HIP1: variants seen among roughly 807,000 people sequenced by gnomAD.
HIP1 encodes the protein huntingtin-interacting protein 1.
In HIP1, 65 loss-of-function variants were observed where a neutral mutation model predicts 147.6. The ratio of observed to expected loss-of-function variants is 0.44; its 90% CI spans 0.36 to 0.54. HIP1 has a LOEUF of 0.54. Among genes scored for constraint, HIP1 ranks in the 20% least tolerant of loss-of-function variants. The pLI is 0.00. For missense variants in HIP1, 1,061 were observed against 1,299.6 expected (o/e 0.82, Z 2.82); for synonymous variants, 479 against 504.0 (o/e 0.95, Z 0.67).
chr7:75,666,230 G>A (rs1003825927), intron 1 of HIP1, among the ~76,000 whole-genome samples: 1 of 151,588 alleles, frequency 6.6e-6, no homozygotes, highest in South Asian at 2.1e-4. Flanking sequence ...GTGCAGTGGC[G>A]TGATCTCGGC....
At chr7:75,575,259 G>A (rs1051920232) in intron 7 of HIP1, among the ~76,000 whole-genome samples, 11 of 152,164 alleles carry the variant, frequency 7.2e-5, no homozygotes, top group African/African-American at 2.4e-4. Flanking sequence ...TCAGTAGTTC[G>A]AGACCAGCCT....
rs138041164 is a variant in HIP1 at position 75,596,007 on chromosome 7, C to A, written c.184+3177G>T. Among the ~76,000 whole-genome samples the A allele has an allele frequency of 8.8e-3, 1,340 of 152,196 alleles. 10 individuals carry two copies. Among genetic ancestry groups the A allele is most frequent in the Middle Eastern group, 0.02 (6 of 294 alleles). ...AATTGCAGCACTTTGGGAGGCCCAG[C>A]GGGAGGACTGCTTGAGCCTAGCTAG... is the stretch of plus-strand genomic sequence containing the variant. On this transcript the variant is annotated intron_variant, in intron 2 of 30. Coordinates refer to ENST00000336926, the MANE Select transcript of HIP1 (RefSeq NM_005338.7).
At chr7:75,546,278 A>C (rs1554491009) in intron 25 of HIP1, among the ~76,000 whole-genome samples, 1 of 152,240 alleles carries the variant, frequency 6.6e-6, no homozygotes, top group Admixed American at 6.5e-5. Flanking sequence ...GAGAATCTGC[A>C]GATAATCCTT....
chr7:75,684,162 A>AT (rs531496542), intron 1 of HIP1, among the ~76,000 whole-genome samples: 59 of 151,722 alleles, frequency 3.9e-4, no homozygotes, highest in African/African-American at 1.4e-3. Context: ...AACCACACAA[A>AT]AAGGCTGGGC....
At chr7:75,692,637 C>T (rs1800502151) in intron 1 of HIP1, among the ~76,000 whole-genome samples, 1 of 149,866 alleles carries the variant, frequency 6.7e-6, no homozygotes, top group Non-Finnish European at 1.5e-5. Context: ...ACCATGTTGG[C>T]CAGGCTGGTC....
intron 2 of HIP1, among the ~76,000 whole-genome samples, chr7:75,598,314 T>C (rs868993048): frequency 1.1e-4 from 16 of 151,534 alleles, no homozygotes; most frequent in African/African-American, 3.6e-4. Context: ...CAAGAATCGC[T>C]TGAATCCAGG....
rs1584922215 is a variant in HIP1 at position 75,653,286 on chromosome 7, C to T, written c.121-54039G>A. ...CACGACTGTCAGATATCACACACGTCAAGCCTTAGGCACACACTAGTTCTG... is the reference window on the plus strand; with the variant it reads ...CACGACTGTCAGATATCACACACGTTAAGCCTTAGGCACACACTAGTTCTG... On this transcript the variant is annotated intron_variant, in intron 1 of 30. Transcript: ENST00000336926. 2.0e-5 allele frequency among the ~76,000 whole-genome samples: 3 copies of T among 152,252 alleles called. No homozygotes were observed. The South Asian group carries it at 6.2e-4, about 32-fold the overall frequency.
At chr7:75,567,215 G>A (rs1217399340) in intron 9 of HIP1, among the ~76,000 whole-genome samples, 1 of 149,498 alleles carries the variant, frequency 6.7e-6, no homozygotes, top group Non-Finnish European at 1.5e-5. Context: ...TGAGATTTAA[G>A]TATGCTATAC....
At chr7:75,632,988 G>A (rs1798284935) in intron 1 of HIP1, among the ~76,000 whole-genome samples, 1 of 152,090 alleles carries the variant, frequency 6.6e-6, no homozygotes, top group Non-Finnish European at 1.5e-5. Context: ...AGGGAATAAT[G>A]CACACTGGGG....
intron 1 of HIP1, among the ~76,000 whole-genome samples, chr7:75,680,617 C>CT (rs66628574): frequency 1.3e-5 from 2 of 150,232 alleles, no homozygotes; most frequent in African/African-American, 2.4e-5. Context: ...ACTTTTTTTT[C>CT]TTTTTTTTTT....
rs1794005440 is a variant in HIP1 at position 75,534,409 on chromosome 7, C to G, written c.*3763G>C. The G allele has an allele frequency of 5.2e-6, 1 of 193,876 alleles. No homozygotes were observed. Among genetic ancestry groups the G allele is most frequent in the Admixed American group, 6.2e-5 (1 of 16,244 alleles). 12.0% of individuals were successfully genotyped at this position (193,876 alleles called of 1,614,324 possible). A position where few individuals can be genotyped will look rare whatever the true frequency, so the allele number is the denominator to read the frequency against. On this transcript the variant is annotated 3_prime_UTR_variant, in exon 31 of 31. Transcript: ENST00000336926. ...ATAAAATAACCCTGCCAAGATGGCT[C>G]TTCTCTTCTATTTCTTTCTCTCTCT...
At chr7:75,699,031 C>T (rs1352001785) in intron 1 of HIP1, among the ~76,000 whole-genome samples, 4 of 151,804 alleles carry the variant, frequency 2.6e-5, no homozygotes, top group Non-Finnish European at 4.4e-5. Context: ...TCTGGAACCA[C>T]TTGAATGTAT....
intron 1 of HIP1, among the ~76,000 whole-genome samples, chr7:75,693,164 C>CA (rs201833622): frequency 0.019 from 2,214 of 118,984 alleles, 35 homozygotes; most frequent in African/African-American, 0.048. Context: ...AACCCTGTCT[C>CA]AAAAAAAAAA....
At chr7:75,599,284 G>A (rs782484925) in intron 1 of HIP1, 37 bp from the exon 2 acceptor site, 70 of 1,511,554 alleles carry the variant, frequency 4.6e-5, no homozygotes, top group Non-Finnish European at 6.1e-5. Context: ...AGGAGGATGA[G>A]ATGAATAAGC....
At chr7:75,570,723 A>C (rs1183860200) in intron 8 of HIP1, among the ~76,000 whole-genome samples, 1 of 151,948 alleles carries the variant, frequency 6.6e-6, no homozygotes, top group African/African-American at 2.4e-5. Flanking sequence ...TTTAGAAAAG[A>C]GGGCCAGCTG....
intron 1 of HIP1, among the ~76,000 whole-genome samples, chr7:75,708,688 C>G (rs1366577777): frequency 1.3e-5 from 2 of 152,004 alleles, no homozygotes; most frequent in Non-Finnish European, 2.9e-5. Context: ...TATTTCTGGG[C>G]TCTCTATTGT....
chr7:75,664,493 CATACAT>C (rs1554514367), intron 1 of HIP1, among the ~76,000 whole-genome samples: 2 of 105,650 alleles, frequency 1.9e-5, no homozygotes, highest in African/African-American at 4.6e-5. Flanking sequence ...CATATATACA[CATACAT>C]ATATATGTAT....
chr7:75,687,055 C>A (rs1053965063), intron 1 of HIP1, among the ~76,000 whole-genome samples: 4 of 152,064 alleles, frequency 2.6e-5, no homozygotes, highest in African/African-American at 9.7e-5. Context: ...TTTGTGGCAG[C>A]AGGATTTTCT....
At chr7:75,608,167 G>T (rs1554504191) in intron 1 of HIP1, among the ~76,000 whole-genome samples, 1 of 152,108 alleles carries the variant, frequency 6.6e-6, no homozygotes, top group African/African-American at 2.4e-5. Flanking sequence ...AATTAGCCGG[G>T]CGTGGTGGTG....
Sources: allele counts gnomAD v4.1 joint callset (sites outside exome capture counted in the v4.1 genomes callset), GRCh38; gene constraint gnomAD v4.1.1; transcripts MANE v1.5; gene names NCBI Gene and HGNC (gene_info 2026-07-23, HGNC 2026-07-21).